Variants in ZMYND8 observed in about 807,000 individuals in gnomAD.
The protein encoded by ZMYND8 is MYND-type zinc finger-containing chromatin reader ZMYND8.
A neutral mutation model predicts 140.8 loss-of-function variants in ZMYND8; 37 were observed. That is an observed-to-expected ratio of 0.26 (90% CI 0.20 to 0.35). The LOEUF is 0.35. Among genes scored for constraint, ZMYND8 ranks in the 10% least tolerant of loss-of-function variants. The pLI, the probability that ZMYND8 is intolerant of heterozygous loss-of-function variation, is 1.00. For missense variants in ZMYND8, 1,068 were observed against 1,570.0 expected (o/e 0.68, Z 5.40); for synonymous variants, 592 against 597.1 (o/e 0.99, Z 0.12).
At chr20:47,234,916 G>T (rs962768391) in intron 16 of ZMYND8, among the ~76,000 whole-genome samples, 2 of 152,182 alleles carry the variant, frequency 1.3e-5, no homozygotes, top group African/African-American at 4.8e-5. Context: ...TAGGCAGGAA[G>T]ATCACTTGAG....
intron 1 of ZMYND8, among the ~76,000 whole-genome samples, chr20:47,351,415 T>C (rs2082770730): frequency 6.6e-6 from 1 of 152,162 alleles, no homozygotes; most frequent in African/African-American, 2.4e-5. Flanking sequence ...ATCTAGAATA[T>C]ATAACCAACA....
chr20:47,298,158 T>C lies in ZMYND8; in HGVS notation c.453+571A>G. The C allele has an allele frequency of 1.7e-6, 1 of 573,266 alleles. No individual in the cohort carries two copies. The highest frequency in any genetic ancestry group is 2.2e-6 in the Non-Finnish European group (1 of 453,400). The allele number at this position is 573,266 out of a possible 1,614,324, so 35.5% of individuals were successfully genotyped here. On this transcript the variant is annotated intron_variant, in intron 4 of 22. Transcript: ENST00000471951. The surrounding 1 kb of genome is among the most constrained non-coding windows in gnomAD (Gnocchi z 5.0). ...AATTCATTATATGGAACTTTATTTA[T>C]TTTGGTTTTTGTCCTTTTCTGCTGG... is the stretch of plus-strand genomic sequence containing the variant.
chr20:47,253,438 G>A (rs1266317788), intron 12 of ZMYND8, among the ~76,000 whole-genome samples: 9 of 151,100 alleles, frequency 6.0e-5, no homozygotes, highest in Non-Finnish European at 1.0e-4. Context: ...TTCGGAAGCT[G>A]AGGCAAGAGA....
In ZMYND8 at chr20:47,342,058, G is replaced by C. The variant is rs145711943; in HGVS notation, c.85+5798C>G. On this transcript the variant is annotated intron_variant, in intron 2 of 22. Coordinates refer to ENST00000471951, the MANE Select transcript of ZMYND8 (RefSeq NM_001281775.3). Reference sequence around the variant, plus strand: ...GTGGTGGTGTGTGCCTGTAGTCCCAGCTGCTCAGGAGGCTGAGGCAGGAGA... The same window carrying C: ...GTGGTGGTGTGTGCCTGTAGTCCCACCTGCTCAGGAGGCTGAGGCAGGAGA... Among the ~76,000 whole-genome samples the C allele has an allele frequency of 5.1e-3, 774 of 151,980 alleles. 4 individuals carry two copies. The highest frequency in any genetic ancestry group is 6.9e-3 in the Non-Finnish European group (468 of 67,978).
intron 12 of ZMYND8, among the ~76,000 whole-genome samples, chr20:47,260,223 T>C (rs1358579238): frequency 2.0e-5 from 3 of 152,074 alleles, no homozygotes; most frequent in Non-Finnish European, 4.4e-5. Flanking sequence ...ACATTGCCAG[T>C]GGGTGGGGAA....
At chr20:47,325,719 G>C (rs1427516472) in intron 2 of ZMYND8, among the ~76,000 whole-genome samples, 2 of 152,016 alleles carry the variant, frequency 1.3e-5, no homozygotes, top group African/African-American at 4.8e-5. Context: ...AAATCAAAGG[G>C]GGATATCTCA....
At chr20:47,318,676 G>A (rs967843027) in intron 2 of ZMYND8, 13 of 456,036 alleles carry the variant, frequency 2.9e-5, no homozygotes, top group African/African-American at 1.4e-4. Context: ...CTCGAGGACC[G>A]GTCTGCACCC....
Position 47,210,911 on chromosome 20 carries a change from C to A in ZMYND8, c.3569-14G>T. On this transcript the variant is annotated splice_polypyrimidine_tract_variant and intron_variant, in intron 22 of 22. Coordinates refer to ENST00000471951, the MANE Select transcript of ZMYND8 (RefSeq NM_001281775.3). ...TCCGGGAATGGTCTGAGGGGGAAAACCAATGTGTTTAGCGTGCCTGCCCAC... is the reference window on the plus strand; with the variant it reads ...TCCGGGAATGGTCTGAGGGGGAAAAACAATGTGTTTAGCGTGCCTGCCCAC... The A allele has an allele frequency of 6.2e-7, 1 of 1,612,458 alleles. No homozygotes were observed. The highest frequency in any genetic ancestry group is 8.5e-7 in the Non-Finnish European group (1 of 1,178,622).
chr20:47,255,672 G>GGT (rs1246465638), intron 12 of ZMYND8, among the ~76,000 whole-genome samples: 6 of 100,672 alleles, frequency 6.0e-5, no homozygotes, highest in African/African-American at 2.5e-4. Context: ...ATATGTATAT[G>GGT]GTGTATGTGT....
At chr20:47,260,133 G>A (rs2075045972) in intron 12 of ZMYND8, among the ~76,000 whole-genome samples, 1 of 152,110 alleles carries the variant, frequency 6.6e-6, no homozygotes, top group South Asian at 2.1e-4. Context: ...GTAGGATGTT[G>A]GGTGGTATCT....
chr20:47,240,851 G>A (rs900329289), intron 14 of ZMYND8, among the ~76,000 whole-genome samples: 3 of 151,802 alleles, frequency 2.0e-5, no homozygotes, highest in Admixed American at 1.3e-4. Flanking sequence ...AACGTGCCCG[G>A]CCTATTTTAT....
chr20:47,335,588 C>T (rs921720879), intron 2 of ZMYND8, among the ~76,000 whole-genome samples: 1 of 152,114 alleles, frequency 6.6e-6, no homozygotes, highest in Non-Finnish European at 1.5e-5. Flanking sequence ...ATTCTACAGG[C>T]ATTTAGAGAG....
chr20:47,287,773 C>G (rs756229476), intron 7 of ZMYND8, among the ~76,000 whole-genome samples: 4 of 152,158 alleles, frequency 2.6e-5, no homozygotes, highest in Non-Finnish European at 1.5e-5. Flanking sequence ...AGAGGGATCA[C>G]TTGAGCCCAG....
In ZMYND8 at chr20:47,298,527, G is replaced by T. The variant is rs757492346; in HGVS notation, c.453+202C>A. The T allele has an allele frequency of 1.0e-6, 1 of 985,266 alleles. No homozygotes were observed. Among genetic ancestry groups the T allele is most frequent in the Non-Finnish European group, 1.2e-6 (1 of 829,926 alleles). 61.0% of individuals were successfully genotyped at this position (985,266 alleles called of 1,614,324 possible). A position where few individuals can be genotyped will look rare whatever the true frequency, so the allele number is the denominator to read the frequency against. On this transcript the variant is annotated intron_variant, in intron 4 of 22. Transcript: ENST00000471951. The surrounding 1 kb of genome is among the most constrained non-coding windows in gnomAD (Gnocchi z 5.0). ...CATGAGAAATCAGAAATAATATTCC[G>T]TGCAATTGTCTTTCCAAGAGCTGCA...
chr20:47,228,148 G>A (rs991621293), intron 17 of ZMYND8, among the ~76,000 whole-genome samples: 4 of 151,580 alleles, frequency 2.6e-5, no homozygotes, highest in Non-Finnish European at 4.4e-5. Context: ...TTTAATTATC[G>A]CAGTAGTTCT....
intron 2 of ZMYND8, among the ~76,000 whole-genome samples, chr20:47,346,404 G>A (rs1486011416): frequency 1.3e-5 from 2 of 152,160 alleles, no homozygotes; most frequent in African/African-American, 4.8e-5. Context: ...GCTGGGTCAT[G>A]CTGTGATGAG....
At chr20:47,299,399 T>C (rs1253372888) in intron 3 of ZMYND8, among the ~76,000 whole-genome samples, 2 of 152,172 alleles carry the variant, frequency 1.3e-5, no homozygotes, top group African/African-American at 4.8e-5. Flanking sequence ...TGCCTGTTTA[T>C]CAAAATGCCA....
chr20:47,223,678 T>C (rs995715603), intron 19 of ZMYND8, among the ~76,000 whole-genome samples: 3 of 151,384 alleles, frequency 2.0e-5, no homozygotes, highest in African/African-American at 7.3e-5. Flanking sequence ...TACTAAAAAT[T>C]AGCCGGGCAT....
At chr20:47,271,474 G>A (rs1055998692) in intron 11 of ZMYND8, among the ~76,000 whole-genome samples, 3 of 152,210 alleles carry the variant, frequency 2.0e-5, no homozygotes, top group Non-Finnish European at 2.9e-5. Flanking sequence ...AGCACACGAT[G>A]TGTAACAGGT....
Sources: allele counts gnomAD v4.1 joint callset (sites outside exome capture counted in the v4.1 genomes callset), GRCh38; gene constraint gnomAD v4.1.1; non-coding constraint Gnocchi (gnomAD v3.1); transcripts MANE v1.5; gene names NCBI Gene and HGNC (gene_info 2026-07-23, HGNC 2026-07-21).